Variants in FAM186B observed in about 807,000 individuals in gnomAD.
The protein encoded by FAM186B is family with sequence similarity 186 member B.
FAM186B carries 68 observed loss-of-function variants against 83.4 expected under a neutral mutation model. The ratio of observed to expected loss-of-function variants is 0.81; its 90% CI spans 0.67 to 1.00. The LOEUF is 1.00. Ranked by LOEUF, FAM186B falls within the 50% of genes least tolerant of loss-of-function variation. The pLI is 0.00. For synonymous variants in FAM186B, 389 were observed against 422.0 expected (o/e 0.92, Z 0.96); for missense variants, 983 against 1,099.2 (o/e 0.89, Z 1.49).
the FAM186B span, among the ~76,000 whole-genome samples, chr12:49,613,336 G>A: frequency 2.0e-5 from 3 of 151,828 alleles, no homozygotes; most frequent in Admixed American, 2.0e-4. Context: ...GACCATCTTG[G>A]CTAACATGGT....
At position 49,604,159 on chromosome 12, in the gene FAM186B, T is replaced by C; in HGVS notation, c.322+154A>G. On this transcript the variant is annotated intron_variant, in intron 2 of 6. Coordinates refer to ENST00000257894, the MANE Select transcript of FAM186B (RefSeq NM_032130.3). ...TCATGATCTGTGATGTTTGGACACT[T>C]CTGTGTCTGCCCCTCAGGAGCATGG... 1.3e-5 allele frequency: 8 copies of C among 626,346 alleles called. No homozygotes were observed. The South Asian group carries it at 1.6e-4, about 12-fold the overall frequency. The allele number at this position is 626,346 out of a possible 1,614,324, so 38.8% of individuals were successfully genotyped here. A position where few individuals can be genotyped will look rare whatever the true frequency, so the allele number is the denominator to read the frequency against.
In FAM186B at chr12:49,601,060, T is replaced by G; in HGVS notation, c.580A>C (p.Ser194Arg). ...QTSPSHPQPLSPEQMLQDQHT... is the reference protein window; with the variant it reads ...QTSPSHPQPLRPEQMLQDQHT... ...TGGTCCTGGAGCATCTGTTCTGGGC[T>G]TAGTGGCTGAGGATGGGATGGAGAT... The change falls in exon 4 of 7, where the codon AGC (serine) becomes CGC (arginine). Residue 194 changes from serine to arginine, a missense_variant. Transcript: ENST00000257894. 6.2e-7 allele frequency: 1 copy of G among 1,609,172 alleles called. No homozygotes were observed. The highest frequency in any genetic ancestry group is 1.3e-5 in the African/African-American group (1 of 74,908).
At chr12:49,595,566 C>T (rs1288937823) in intron 5 of FAM186B, 10 of 442,568 alleles carry the variant, frequency 2.3e-5, no homozygotes, top group Non-Finnish European at 4.1e-5. Flanking sequence ...TGGAAAAGGA[C>T]GGCCTGAAAT....
chr12:49,592,540 T>C (rs1414911804), intron 5 of FAM186B, among the ~76,000 whole-genome samples: 1 of 151,906 alleles, frequency 6.6e-6, no homozygotes, highest in Non-Finnish European at 1.5e-5. Flanking sequence ...TCCCAGCACC[T>C]TGGGAGGCTG....
At chr12:49,619,611 C>T in the FAM186B span, 1 of 611,004 alleles carries the variant, frequency 1.6e-6, no homozygotes, top group Non-Finnish European at 3.1e-6. Flanking sequence ...AAACCTACAC[C>T]GTAGAAGAAA....
intron 6 of FAM186B, 84 bp downstream of exon 6, chr12:49,588,370 C>T: frequency 6.7e-7 from 1 of 1,492,876 alleles, no homozygotes; most frequent in Non-Finnish European, 9.0e-7. Context: ...CCTCACTTCA[C>T]TGCCCACCTC....
At chr12:49,597,498 G>A (rs1434573025) in intron 5 of FAM186B, among the ~76,000 whole-genome samples, 1 of 152,092 alleles carries the variant, frequency 6.6e-6, no homozygotes, top group Non-Finnish European at 1.5e-5. Context: ...ATAGACCAAA[G>A]GATACACAGT....
chr12:49,610,750 A>G, the FAM186B span, among the ~76,000 whole-genome samples: 1 of 150,854 alleles, frequency 6.6e-6, no homozygotes, highest in Non-Finnish European at 1.5e-5. Flanking sequence ...AGATTGCGCC[A>G]CTGCACTCCA....
chr12:49,600,199 C>G lies in FAM186B; in HGVS notation c.1441G>C (p.Glu481Gln). ...VTSESQEEPW[E>Q]EEFGREMRRQ... is the part of the protein sequence containing the mutation. ...CGCATCTCCCGGCCGAATTCCTCCT[C>G]CCAGGGCTCCTCTTGGCTCTCAGAG... is the stretch of plus-strand genomic sequence containing the variant. Residue 481 changes from glutamate to glutamine, a missense_variant, in exon 4 of 7, where the codon GAG becomes CAG. Glu to Gln is a conservative substitution (Grantham distance 29). Transcript: ENST00000257894. The surrounding 1 kb of genome is among the most constrained non-coding windows in gnomAD (Gnocchi z 4.3). 2 of 1,613,146 alleles carry G rather than the reference C, an allele frequency of 1.2e-6. No individual in the cohort carries two copies. Among genetic ancestry groups the G allele is most frequent in the Non-Finnish European group, 1.7e-6 (2 of 1,179,340 alleles).
chr12:49,598,743 CG>C lies in FAM186B; in HGVS notation c.2364+11del. ...AGGCGGAGTGGCGGGGGGGTCAGGG[CG>C]GGAGGCCCACCTTGGGGAACATGGT... On this transcript the variant is annotated intron_variant, in intron 5 of 6. Transcript: ENST00000257894. The C allele has an allele frequency of 6.4e-7, 1 of 1,550,814 alleles. No homozygotes were observed.
chr12:49,619,667 CTTTTTTTTTTTTT>C, the FAM186B span: 19 of 145,996 alleles, frequency 1.3e-4, no homozygotes, highest in African/African-American at 6.4e-4. Flanking sequence ...TTAGACATCT[CTTTTTTTTTTTTT>C]TTTTTTTTTT....
intron 5 of FAM186B, among the ~76,000 whole-genome samples, chr12:49,590,097 G>A (rs1366832913): frequency 7.1e-6 from 1 of 140,142 alleles, no homozygotes; most frequent in African/African-American, 2.7e-5. Context: ...ATACTATTTT[G>A]CATTTATTTT....
chr12:49,599,865 G>C lies in FAM186B; in HGVS notation c.1775C>G (p.Pro592Arg). ...GGTACTAGGAGACATGGGCAAGTGT[G>C]GCCTCCTGCTTTGGTGAGCAGATTG... Reference protein sequence around the residue: ...RTQSAHQSRRPHLPMSPSTQQ... With the variant: ...RTQSAHQSRRRHLPMSPSTQQ... The change falls in exon 4 of 7, where the codon CCA becomes CGA. Residue 592 changes from proline to arginine, a missense_variant. Coordinates refer to ENST00000257894, the MANE Select transcript of FAM186B (RefSeq NM_032130.3). 6.2e-7 allele frequency: 1 copy of C among 1,608,464 alleles called. No individual in the cohort carries two copies. Among genetic ancestry groups the C allele is most frequent in the South Asian group, 1.1e-5 (1 of 90,138 alleles).
chr12:49,617,898 A>G, the FAM186B span, among the ~76,000 whole-genome samples: 45 of 152,330 alleles, frequency 3.0e-4, no homozygotes, highest in East Asian at 8.5e-3. Flanking sequence ...CTTACACTAG[A>G]GAAGGACAGA....
chr12:49,621,436 T>C, the FAM186B span, among the ~76,000 whole-genome samples: 1 of 152,090 alleles, frequency 6.6e-6, no homozygotes. Flanking sequence ...AGAAAAGAGA[T>C]GCCAGGTTGC....
At chr12:49,617,335 A>C in the FAM186B span, among the ~76,000 whole-genome samples, 413 of 152,302 alleles carry the variant, frequency 2.7e-3, 1 homozygote, top group African/African-American at 9.6e-3. Flanking sequence ...GCTCGAGCCC[A>C]GAAGTTTGAG....
intron 1 of FAM186B, 38 bp downstream of exon 1, chr12:49,605,344 T>A: frequency 6.3e-7 from 1 of 1,593,978 alleles, no homozygotes. Flanking sequence ...CCGCATCAGA[T>A]CCCAATGTAA....
intron 5 of FAM186B, among the ~76,000 whole-genome samples, chr12:49,598,418 G>C (rs1311151186): frequency 6.6e-6 from 1 of 152,182 alleles, no homozygotes; most frequent in Non-Finnish European, 1.5e-5. Context: ...ACAGGGGAGG[G>C]AGAATCACAG....
rs146385829 is a variant in FAM186B at position 49,599,367 on chromosome 12, C to G, written c.2171+102G>C. The G allele has an allele frequency of 1.8e-3, 2,583 of 1,422,584 alleles. 39 individuals are homozygous for G. The African/African-American group carries it at 0.033, about 18-fold the overall frequency. 88.1% of individuals were successfully genotyped at this position (1,422,584 alleles called of 1,614,324 possible). On this transcript the variant is annotated intron_variant, in intron 4 of 6. Transcript: ENST00000257894. Reference sequence around the variant, plus strand: ...CCCTGTCCAGGCCTGGGGTGGCTCTCCCCATCCCCCCTTGCCCTGTGTTCC... The same window carrying G: ...CCCTGTCCAGGCCTGGGGTGGCTCTGCCCATCCCCCCTTGCCCTGTGTTCC...
Sources: allele counts gnomAD v4.1 joint callset (sites outside exome capture counted in the v4.1 genomes callset), GRCh38; gene constraint gnomAD v4.1.1; non-coding constraint Gnocchi (gnomAD v3.1); transcripts MANE v1.5; gene names NCBI Gene and HGNC (gene_info 2026-07-23, HGNC 2026-07-21).